The following SLC35F3 variants were observed in gnomAD, a reference collection of about 807,000 sequenced individuals.
SLC35F3 encodes solute carrier family 35 member F3, also known as putative thiamine transporter SLC35F3.
Under a neutral mutation model 49.9 loss-of-function variants are expected in SLC35F3, and 25 were observed. The observed-to-expected ratio is 0.50, with a 90% CI of 0.37 to 0.70. SLC35F3 has a LOEUF of 0.70. Among genes scored for constraint, SLC35F3 ranks in the 30% least tolerant of loss-of-function variants. The probability of loss-of-function intolerance (pLI) is 0.00; values close to 1 mark genes in which losing one functional copy is unlikely to be tolerated. For missense variants in SLC35F3, 525 were observed against 639.8 expected (o/e 0.82, Z 1.94); for synonymous variants, 275 against 265.4 (o/e 1.04, Z -0.35).
chr1:234,302,390 A>C (rs907038348), intron 3 of SLC35F3, among the ~76,000 whole-genome samples: 1 of 152,152 alleles, frequency 6.6e-6, no homozygotes, highest in African/African-American at 2.4e-5. Context: ...AAGGTCATTC[A>C]CAGTTGGTCC....
chr1:234,275,769 T>A (rs1183607274), intron 3 of SLC35F3, among the ~76,000 whole-genome samples: 43 of 131,438 alleles, frequency 3.3e-4, no homozygotes, highest in South Asian at 4.7e-4. Context: ...AAAAAATATA[T>A]ATATATATAT....
intron 3 of SLC35F3, among the ~76,000 whole-genome samples, chr1:234,244,865 T>C (rs983901564): frequency 6.6e-6 from 1 of 152,196 alleles, no homozygotes; most frequent in Non-Finnish European, 1.5e-5. Context: ...ATAAAATATA[T>C]ATTATGTGTA....
chr1:234,122,533 T>C (rs1361702218), intron 2 of SLC35F3, among the ~76,000 whole-genome samples: 2 of 152,194 alleles, frequency 1.3e-5, no homozygotes, highest in African/African-American at 4.8e-5. Flanking sequence ...ACATGTACCA[T>C]GGTGGTTTGC....
chr1:233,988,751 C>T (rs1361049942), intron 2 of SLC35F3, among the ~76,000 whole-genome samples: 2 of 152,108 alleles, frequency 1.3e-5, no homozygotes, highest in Middle Eastern at 6.3e-3. Context: ...CAGTTTTGTC[C>T]TCGTTATCCT....
chr1:234,217,920 C>G (rs960396506), intron 2 of SLC35F3, among the ~76,000 whole-genome samples: 4 of 152,164 alleles, frequency 2.6e-5, no homozygotes, highest in African/African-American at 9.7e-5. Flanking sequence ...TGAGGCATCA[C>G]AGCTGAGGCT....
At chr1:234,213,625 A>C (rs1350841521) in intron 2 of SLC35F3, 2 of 152,294 alleles carry the variant, frequency 1.3e-5, no homozygotes, top group Non-Finnish European at 2.9e-5. Context: ...CCAGCAGTGA[A>C]GCTGGTGCCT....
At chr1:234,124,609 G>T (rs2102895036) in intron 2 of SLC35F3, among the ~76,000 whole-genome samples, 1 of 152,346 alleles carries the variant, frequency 6.6e-6, no homozygotes, top group South Asian at 2.1e-4. Flanking sequence ...GCTCATGCCT[G>T]TAATCCCAGT....
intron 7 of SLC35F3, among the ~76,000 whole-genome samples, chr1:234,321,946 C>T (rs1475519800): frequency 1.3e-5 from 2 of 151,966 alleles, no homozygotes; most frequent in African/African-American, 4.8e-5. Context: ...TTTGGGAGGC[C>T]AAGGTGGGAG....
chr1:234,022,646 T>G (rs1663914297), intron 2 of SLC35F3, among the ~76,000 whole-genome samples: 1 of 152,142 alleles, frequency 6.6e-6, no homozygotes, highest in Non-Finnish European at 1.5e-5. Context: ...AGCCAAGTGT[T>G]CATGTAGGTT....
intron 2 of SLC35F3, among the ~76,000 whole-genome samples, chr1:234,225,517 G>A (rs950721088): frequency 6.6e-6 from 1 of 152,196 alleles, no homozygotes; most frequent in African/African-American, 2.4e-5. Context: ...GCTCTCAACT[G>A]TATCCCATTT....
At chr1:233,982,075 A>C (rs561155799) in intron 2 of SLC35F3, among the ~76,000 whole-genome samples, 159 of 152,280 alleles carry the variant, frequency 1.0e-3, no homozygotes, top group Non-Finnish European at 1.9e-3. Context: ...GGCTTGTGCC[A>C]CCACGCCCAA....
chr1:234,017,387 A>C lies in SLC35F3; in HGVS notation c.283+111629A>C, dbSNP rs148524872. ...TGGTCACATTTTCATCAACTGACCA[A>C]ATATAATTTTCTTTGATGTGTGTTT... On this transcript the variant is annotated intron_variant, in intron 2 of 7. Transcript: ENST00000366618. Among the ~76,000 whole-genome samples, 356 of 152,200 alleles carry C rather than the reference A, an allele frequency of 2.3e-3. 4 individuals are homozygous for C. The highest frequency in any genetic ancestry group is 4.4e-3 in the East Asian group (23 of 5,174).
chr1:234,245,319 A>G (rs1221453710), intron 3 of SLC35F3, among the ~76,000 whole-genome samples: 1 of 152,196 alleles, frequency 6.6e-6, no homozygotes, highest in Non-Finnish European at 1.5e-5. Flanking sequence ...TTACAGCGGA[A>G]TGGTATTCCA....
At chr1:234,020,291 A>G (rs902163063) in intron 2 of SLC35F3, among the ~76,000 whole-genome samples, 1 of 152,154 alleles carries the variant, frequency 6.6e-6, no homozygotes, top group African/African-American at 2.4e-5. Context: ...ATGTGCCTCT[A>G]TAGTTCTCAT....
At chr1:234,006,906 T>C (rs1420973650) in intron 2 of SLC35F3, among the ~76,000 whole-genome samples, 1 of 152,180 alleles carries the variant, frequency 6.6e-6, no homozygotes, top group Non-Finnish European at 1.5e-5. Context: ...ATCCATTTCC[T>C]GTCCATGGAG....
intron 2 of SLC35F3, among the ~76,000 whole-genome samples, chr1:234,077,993 C>A (rs1664822161): frequency 6.6e-6 from 1 of 152,162 alleles, no homozygotes; most frequent in Non-Finnish European, 1.5e-5. Flanking sequence ...AGTCTACAAA[C>A]CTCTGTCATC....
In SLC35F3 at chr1:234,231,755, G is replaced by A; in HGVS notation, c.608+14G>A. 1 of 1,580,530 alleles carries A rather than the reference G, an allele frequency of 6.3e-7. No homozygotes were observed. On this transcript the variant is annotated intron_variant, in intron 3 of 7. Transcript: ENST00000366618. The surrounding 1 kb of genome is among the most constrained non-coding windows in gnomAD (Gnocchi z 5.4). ...GCAGCGATACAGGTAGGCGCGTCCT[G>A]CATGAGGAGGCCTCCTGACCCCGGG...
intron 2 of SLC35F3, among the ~76,000 whole-genome samples, chr1:234,185,272 C>T (rs1666626361): frequency 6.6e-6 from 1 of 152,036 alleles, no homozygotes. Context: ...AAAACCATCA[C>T]CAGAGGTGAG....
intron 2 of SLC35F3, among the ~76,000 whole-genome samples, chr1:234,180,835 A>G (rs772047159): frequency 2.6e-5 from 4 of 152,166 alleles, no homozygotes; most frequent in Non-Finnish European, 5.9e-5. Flanking sequence ...ATTTTGTCTT[A>G]GCTTTTTATT....
Sources: allele counts gnomAD v4.1 joint callset (sites outside exome capture counted in the v4.1 genomes callset), GRCh38; gene constraint gnomAD v4.1.1; non-coding constraint Gnocchi (gnomAD v3.1); transcripts MANE v1.5; gene names NCBI Gene and HGNC (gene_info 2026-07-23, HGNC 2026-07-21).